DDTL: variants seen among roughly 807,000 people sequenced by gnomAD.
DDTL encodes the protein D-dopachrome tautomerase like.
DDTL carries 1 observed loss-of-function variant against 1.1 expected under a neutral mutation model. That is an observed-to-expected ratio of 0.91 (90% confidence interval 0.32 to 4.31). The LOEUF is 4.31. Among genes scored for constraint, DDTL ranks in the 30% most tolerant of loss-of-function variants. The pLI, the probability that DDTL is intolerant of heterozygous loss-of-function variation, is 0.17. For synonymous variants in DDTL, 21 were observed against 16.6 expected (o/e 1.26, Z -0.64); for missense variants, 54 against 48.9 (o/e 1.10, Z -0.31).
chr22:23,971,944 C>G lies in DDTL; in HGVS notation c.*538C>G, dbSNP rs2033913715. ...GTACCCTGCCTCCTAATTGCAGGCT[C>G]CCTAAGGGCACAGTACCTCAGCCAC... On this transcript the variant is annotated 3_prime_UTR_variant, in exon 3 of 3. Coordinates refer to ENST00000215770, the MANE Select transcript of DDTL (RefSeq NM_001084393.2). The G allele has an allele frequency of 3.9e-6, 1 of 254,994 alleles. No individual in the cohort carries two copies. Among genetic ancestry groups the G allele is most frequent in the Non-Finnish European group, 7.3e-6 (1 of 137,224 alleles). 15.8% of individuals were successfully genotyped at this position (254,994 alleles called of 1,614,324 possible). A position where few individuals can be genotyped will look rare whatever the true frequency, so the allele number is the denominator to read the frequency against.
chr22:23,969,763 A>C, intron 2 of DDTL: 2 of 985,760 alleles, frequency 2.0e-6, no homozygotes, highest in Non-Finnish European at 2.4e-6. Context: ...AGGCTGCAAT[A>C]ATCTGAGTTT....
chr22:23,969,303 A>C, intron 2 of DDTL: 1 of 985,260 alleles, frequency 1.0e-6, no homozygotes, highest in Non-Finnish European at 1.2e-6. Context: ...CACAGACATT[A>C]GTGGTGGGGG....
rs1245419947 is a variant in DDTL at position 23,969,113 on chromosome 22, C to T, written c.284+1552C>T. ...TTGATCCTTACAATCCCTATCCACT[C>T]TCCCTTTGCTCAGACAAGACATGCT... is the stretch of plus-strand genomic sequence containing the variant. On this transcript the variant is annotated intron_variant, in intron 2 of 2. Transcript: ENST00000215770. The T allele has an allele frequency of 2.2e-6, 2 of 914,712 alleles. 1 individual carries two copies. Among genetic ancestry groups the T allele is most frequent in the Non-Finnish European group, 2.6e-6 (2 of 768,758 alleles). 56.7% of individuals were successfully genotyped at this position (914,712 alleles called of 1,614,324 possible).
intron 2 of DDTL, among the ~76,000 whole-genome samples, chr22:23,970,575 CTTTG>C (rs762897378): frequency 8.6e-5 from 13 of 151,650 alleles, no homozygotes; most frequent in African/African-American, 1.2e-4. Flanking sequence ...AGTTGTGTGA[CTTTG>C]TTGGATGTGA....
chr22:23,971,221 G>T lies in DDTL; in HGVS notation c.285-65G>T, dbSNP rs916907568. On this transcript the variant is annotated intron_variant, in intron 2 of 2. Coordinates refer to ENST00000215770, the MANE Select transcript of DDTL (RefSeq NM_001084393.2). The stretch of plus-strand genomic sequence containing the variant: ...CCACAGGCCTGCAGATGGGTGTGGA[G>T]AGCAGAGCCTCCAGGCTGAGTCTCC... 32 of 1,548,174 alleles carry T rather than the reference G, an allele frequency of 2.1e-5. No homozygotes were observed. In the African/African-American group the frequency reaches 3.9e-4, roughly 19 times the overall value.
chr22:23,971,147 G>T, intron 2 of DDTL, 139 bp from the exon 3 acceptor site: 2 of 1,301,090 alleles, frequency 1.5e-6, no homozygotes, highest in South Asian at 3.0e-5. Flanking sequence ...GGAGCCTCAG[G>T]TCAGCAGTCT....
intron 2 of DDTL, chr22:23,969,668 A>G (rs1197276911): frequency 1.0e-6 from 1 of 981,414 alleles, no homozygotes; most frequent in Non-Finnish European, 1.2e-6. Flanking sequence ...AAAGTCATAC[A>G]ATTAGCCCAG....
At position 23,971,423 on chromosome 22, in the gene DDTL, T is replaced by C. The variant is rs2033898572; in HGVS notation, c.*17T>C. On this transcript the variant is annotated 3_prime_UTR_variant, in exon 3 of 3. Transcript: ENST00000215770. ...TTCATATGAGGATGAAGAAGAGGATTATGTGATCACAGGAATGTTGCATGC... is the reference window on the plus strand; with the variant it reads ...TTCATATGAGGATGAAGAAGAGGATCATGTGATCACAGGAATGTTGCATGC... 1 of 1,612,054 alleles carries C rather than the reference T, an allele frequency of 6.2e-7. No individual in the cohort carries two copies. The highest frequency in any genetic ancestry group is 8.5e-7 in the Non-Finnish European group (1 of 1,178,838).
At chr22:23,969,854 A>G (rs749449095) in intron 2 of DDTL, 61 of 985,684 alleles carry the variant, frequency 6.2e-5, no homozygotes, top group Middle Eastern at 5.2e-4. Flanking sequence ...ACACTCCAAT[A>G]AAGTACACGA....
intron 2 of DDTL, chr22:23,969,161 C>T (rs2033855376): frequency 1.0e-6 from 1 of 984,974 alleles, no homozygotes; most frequent in Non-Finnish European, 1.2e-6. Context: ...TAGATAATCT[C>T]CATTATGCCA....
intron 2 of DDTL, chr22:23,969,742 C>A: frequency 1.0e-6 from 1 of 984,108 alleles, no homozygotes; most frequent in Non-Finnish European, 1.2e-6. Flanking sequence ...TTGTTTAGGC[C>A]CAGGAGGTCG....
chr22:23,971,147 G>A, intron 2 of DDTL, 139 bp from the exon 3 acceptor site: 3 of 1,301,090 alleles, frequency 2.3e-6, no homozygotes, highest in Non-Finnish European at 3.2e-6. Context: ...GGAGCCTCAG[G>A]TCAGCAGTCT....
In DDTL at chr22:23,971,813, G is replaced by T; in HGVS notation, c.*407G>T. 1 of 613,656 alleles carries T rather than the reference G, an allele frequency of 1.6e-6. No homozygotes were observed. The highest frequency in any genetic ancestry group is 2.0e-5 in the South Asian group (1 of 49,856). 38.0% of individuals were successfully genotyped at this position (613,656 alleles called of 1,614,324 possible). A position where few individuals can be genotyped will look rare whatever the true frequency, so the allele number is the denominator to read the frequency against. ...GCAGGGCAGTGGGACACTCAGGTGT[G>T]GGAGGTAGCCGCACATCATGACCCA... On this transcript the variant is annotated 3_prime_UTR_variant, in exon 3 of 3. Coordinates refer to ENST00000215770, the MANE Select transcript of DDTL (RefSeq NM_001084393.2).
Position 23,971,646 on chromosome 22 carries a change from TATC to T in DDTL, c.*245_*247del, listed in dbSNP as rs775358829. The T allele has an allele frequency of 6.2e-6, 10 of 1,605,854 alleles. No homozygotes were observed. The highest frequency in any genetic ancestry group is 1.3e-5 in the African/African-American group (1 of 74,532). On this transcript the variant is annotated 3_prime_UTR_variant, in exon 3 of 3. Transcript: ENST00000215770. ...ATCCTTCAGGAGACAGAGAAAAAGA[TATC>T]ATCAGCTCCTTGGCTAATACCACAT...
intron 2 of DDTL, chr22:23,969,536 G>A (rs1286383764): frequency 2.7e-5 from 27 of 985,462 alleles, no homozygotes; most frequent in Non-Finnish European, 2.8e-5. Context: ...CTGCCCTGCT[G>A]GGGGTTGGGG....
intron 2 of DDTL, chr22:23,969,708 A>G (rs2033864235): frequency 1.7e-5 from 17 of 977,726 alleles, no homozygotes; most frequent in Non-Finnish European, 1.9e-5. Context: ...GATCCAAACT[A>G]CATGGGAGGC....
chr22:23,969,222 G>A, intron 2 of DDTL: 1 of 985,514 alleles, frequency 1.0e-6, no homozygotes, highest in Non-Finnish European at 1.2e-6. Context: ...CCCTCAGCCA[G>A]GCTGTCCCAA....
rs367604084 is a variant in DDTL, at chr22:23,970,444, G to A, written c.285-842G>A. 7.2e-5 allele frequency among the ~76,000 whole-genome samples: 11 copies of A among 152,114 alleles called. No individual in the cohort carries two copies. In the East Asian group the frequency reaches 1.7e-3, roughly 24 times the overall value. On this transcript the variant is annotated intron_variant, in intron 2 of 2. Transcript: ENST00000215770. Reference sequence around the variant, plus strand: ...TTGTTGGTGTGAATTGTGTGCCTGTGTGTGACGGGGAGTATGTGTGTGTGT... The same window carrying A: ...TTGTTGGTGTGAATTGTGTGCCTGTATGTGACGGGGAGTATGTGTGTGTGT...
At chr22:23,970,450 CGG>C (rs971571234) in intron 2 of DDTL, among the ~76,000 whole-genome samples, 1 of 151,262 alleles carries the variant, frequency 6.6e-6, no homozygotes, top group Non-Finnish European at 1.5e-5. Context: ...CTGTGTGTGA[CGG>C]GGAGTATGTG....
Sources: gnomAD v4.1 joint callset for allele counts (sites outside exome capture counted in the v4.1 genomes callset) on GRCh38, gnomAD v4.1.1 for gene constraint, MANE v1.5 for transcripts, NCBI Gene and HGNC (gene_info 2026-07-23, HGNC 2026-07-21) for gene names.